The following GNG7 variants were observed in gnomAD, a reference collection of about 807,000 sequenced individuals.
GNG7 encodes the protein guanine nucleotide-binding protein G(I)/G(S)/G(O) subunit gamma-7.
In GNG7, 1 loss-of-function variant was observed where a neutral mutation model predicts 4.0. The observed-to-expected ratio is 0.25, with a 90% confidence interval of 0.09 to 1.18. The LOEUF (loss-of-function observed/expected upper bound fraction) is 1.18. Ranked by LOEUF, GNG7 falls within the 50% of genes most tolerant of loss-of-function variation. GNG7 has a pLI of 0.50. For synonymous variants in GNG7, 34 were observed against 36.9 expected, an observed-to-expected ratio of 0.92 and a Z score of 0.29; for missense variants, 86 against 91.9, an observed-to-expected ratio of 0.94 and a Z score of 0.26.
At chr19:2,607,640 A>C (rs8113429) in intron 2 of GNG7, among the ~76,000 whole-genome samples, 2 of 150,606 alleles carry the variant, frequency 1.3e-5, no homozygotes, top group Admixed American at 1.3e-4. Context: ...GCTAAACTAC[A>C]TTGTTATGTA....
intron 2 of GNG7, among the ~76,000 whole-genome samples, chr19:2,581,602 G>T (rs913551150): frequency 2.0e-5 from 3 of 152,172 alleles, no homozygotes; most frequent in African/African-American, 7.2e-5. Context: ...ACTTCTGCAC[G>T]TGTTTTCACC....
intron 1 of GNG7, among the ~76,000 whole-genome samples, chr19:2,658,823 T>C (rs1172909322): frequency 6.6e-6 from 1 of 152,160 alleles, no homozygotes; most frequent in Non-Finnish European, 1.5e-5. Flanking sequence ...TTGGGGGAAA[T>C]GCGTACCTTT....
At chr19:2,612,762 C>T (rs1167375619) in intron 2 of GNG7, among the ~76,000 whole-genome samples, 4 of 139,442 alleles carry the variant, frequency 2.9e-5, no homozygotes, top group African/African-American at 5.6e-5. Context: ...GGTGCGATCT[C>T]GGCTCGCTGC....
intron 1 of GNG7, among the ~76,000 whole-genome samples, chr19:2,647,246 C>T (rs141847695): frequency 3.9e-3 from 592 of 151,816 alleles, no homozygotes; most frequent in South Asian, 6.4e-3. Context: ...CAGAACCAGC[C>T]CCCATAGGAA....
chr19:2,570,654 C>T (rs1980117748), intron 2 of GNG7, among the ~76,000 whole-genome samples: 1 of 152,182 alleles, frequency 6.6e-6, no homozygotes, highest in African/African-American at 2.4e-5. Flanking sequence ...AGCCCAGGAG[C>T]CAAGTCTCAG....
At chr19:2,676,864 G>C (rs1983608002) in intron 1 of GNG7, among the ~76,000 whole-genome samples, 1 of 152,102 alleles carries the variant, frequency 6.6e-6, no homozygotes, top group South Asian at 2.1e-4. Flanking sequence ...GCAGAGAGAA[G>C]CTGTTCAGAC....
intron 1 of GNG7, among the ~76,000 whole-genome samples, chr19:2,699,887 G>A (rs1599468140): frequency 6.6e-6 from 1 of 152,160 alleles, no homozygotes; most frequent in African/African-American, 2.4e-5. Context: ...ATCACAGCTC[G>A]ATGTGGTTCC....
At chr19:2,616,377 T>G (rs1568263945) in intron 2 of GNG7, among the ~76,000 whole-genome samples, 1 of 151,940 alleles carries the variant, frequency 6.6e-6, no homozygotes, top group East Asian at 1.9e-4. Context: ...CCCGAGTAGC[T>G]GGGATTACAG....
chr19:2,597,895 CAAAAAAAA>C (rs71178295), intron 2 of GNG7, among the ~76,000 whole-genome samples: 20,621 of 118,472 alleles, frequency 0.17, 1,698 homozygotes, highest in Non-Finnish European at 0.22. Context: ...GACTCTGTTT[CAAAAAAAA>C]AAAAAAAAAA....
chr19:2,546,814 G>T lies in GNG7; in HGVS notation c.-38+8335C>A, dbSNP rs570434904. Among the ~76,000 whole-genome samples, 1 of 152,150 alleles carries T rather than the reference G, an allele frequency of 6.6e-6. No individual in the cohort carries two copies. The highest frequency in any genetic ancestry group is 2.4e-5 in the African/African-American group (1 of 41,434). On this transcript the variant is annotated intron_variant, in intron 3 of 4. Transcript: ENST00000382159. The surrounding 1 kb of genome is among the most constrained non-coding windows in gnomAD (Gnocchi z 6.3). ...GGCGGTGGGGTCGGCGGGGGCGGGG[G>T]ATGACCACGGTCATGTGAGAGTTTG...
chr19:2,539,382 T>C (rs570144891), intron 3 of GNG7, among the ~76,000 whole-genome samples: 10 of 151,432 alleles, frequency 6.6e-5, no homozygotes, highest in Non-Finnish European at 8.8e-5. Context: ...CTCGGCTCAC[T>C]GCAACCTTTG....
intron 2 of GNG7, among the ~76,000 whole-genome samples, chr19:2,596,662 C>G (rs759479880): frequency 8.9e-6 from 1 of 112,212 alleles, no homozygotes; most frequent in Non-Finnish European, 1.9e-5. Flanking sequence ...AAGTGAGACC[C>G]TGTCCCCCCC....
At chr19:2,680,103 A>G (rs1040119760) in intron 1 of GNG7, among the ~76,000 whole-genome samples, 21 of 150,902 alleles carry the variant, frequency 1.4e-4, no homozygotes, top group Non-Finnish European at 2.8e-4. Flanking sequence ...GCTTAAGCCC[A>G]GGAGTTCGAG....
At chr19:2,527,920 A>C (rs1978462197) in intron 3 of GNG7, among the ~76,000 whole-genome samples, 2 of 152,218 alleles carry the variant, frequency 1.3e-5, no homozygotes. Flanking sequence ...TCCCTTAGGC[A>C]AAACGCAAAG....
intron 2 of GNG7, among the ~76,000 whole-genome samples, chr19:2,560,715 G>C (rs1979716518): frequency 6.6e-6 from 1 of 152,170 alleles, no homozygotes; most frequent in Non-Finnish European, 1.5e-5. Context: ...CCAGCACTTT[G>C]GGAGGCCGAG....
At chr19:2,596,888 A>C (rs181847626) in intron 2 of GNG7, among the ~76,000 whole-genome samples, 3 of 152,276 alleles carry the variant, frequency 2.0e-5, no homozygotes, top group Admixed American at 1.3e-4. Context: ...AGATGAAAAC[A>C]AATTTTACTT....
Position 2,561,643 on chromosome 19 carries a change from C to T in GNG7, c.-77-6455G>A, listed in dbSNP as rs1412811141. On this transcript the variant is annotated intron_variant, in intron 2 of 4. Coordinates refer to ENST00000382159, the MANE Select transcript of GNG7 (RefSeq NM_052847.3). ...CTGTAATCCCAGCACTTTGGGAGGC[C>T]GAGGCGGGTGGATCACCTGAAGTAG... 4.0e-5 allele frequency among the ~76,000 whole-genome samples: 6 copies of T among 151,358 alleles called. No homozygotes were observed. In the South Asian group the frequency reaches 8.3e-4, roughly 21 times the overall value.
chr19:2,537,886 G>T (rs1846189307), intron 3 of GNG7, among the ~76,000 whole-genome samples: 1 of 152,142 alleles, frequency 6.6e-6, no homozygotes, highest in African/African-American at 2.4e-5. Context: ...GACCAGCCTG[G>T]CCAACACGGT....
intron 3 of GNG7, among the ~76,000 whole-genome samples, chr19:2,551,346 G>A (rs1490369816): frequency 3.3e-5 from 5 of 152,062 alleles, no homozygotes; most frequent in East Asian, 1.9e-4. Context: ...GCGACCCCTC[G>A]GCCATCGGCC....
Sources: allele counts gnomAD v4.1 joint callset (sites outside exome capture counted in the v4.1 genomes callset), GRCh38; gene constraint gnomAD v4.1.1; non-coding constraint Gnocchi (gnomAD v3.1); transcripts MANE v1.5; gene names NCBI Gene and HGNC (gene_info 2026-07-23, HGNC 2026-07-21).